Variants in NKAIN2 observed in about 807,000 individuals in gnomAD.
The protein encoded by NKAIN2 is sodium/potassium-transporting ATPase subunit beta-1-interacting protein 2.
Under a neutral mutation model 32.6 loss-of-function variants are expected in NKAIN2, and 14 were observed. The ratio of observed to expected loss-of-function variants is 0.43; its 90% CI spans 0.28 to 0.67. The LOEUF (loss-of-function observed/expected upper bound fraction) is 0.67. NKAIN2 is among the 30% of genes least tolerant of loss of function. The probability of loss-of-function intolerance (pLI) is 0.17; values close to 1 mark genes in which losing one functional copy is unlikely to be tolerated. For missense variants in NKAIN2, 198 were observed against 258.3 expected, an observed-to-expected ratio of 0.77 and a Z score of 1.60; for synonymous variants, 80 against 87.2, an observed-to-expected ratio of 0.92 and a Z score of 0.46.
chr6:124,039,110 A>G (rs1056341580), intron 1 of NKAIN2, among the ~76,000 whole-genome samples: 12 of 152,108 alleles, frequency 7.9e-5, no homozygotes, highest in African/African-American at 2.9e-4. Context: ...GTATTTACCT[A>G]ATTGGCACAT....
At chr6:124,659,791 G>A (rs1215362735) in intron 4 of NKAIN2, among the ~76,000 whole-genome samples, 1 of 151,960 alleles carries the variant, frequency 6.6e-6, no homozygotes, top group African/African-American at 2.4e-5. Flanking sequence ...TGCGGAATTG[G>A]TCACACAGTC....
chr6:124,097,180 C>T (rs1784679848), intron 1 of NKAIN2, among the ~76,000 whole-genome samples: 1 of 151,822 alleles, frequency 6.6e-6, no homozygotes, highest in Non-Finnish European at 1.5e-5. Flanking sequence ...GAGGCTGAGG[C>T]GGGCAGATCA....
At chr6:123,988,899 G>GTA (rs1443470591) in intron 1 of NKAIN2, among the ~76,000 whole-genome samples, 6 of 143,760 alleles carry the variant, frequency 4.2e-5, no homozygotes, top group African/African-American at 1.5e-4. Context: ...GTGTGTGTGT[G>GTA]TGTGTGTATG....
At chr6:123,853,803 A>C (rs752964841) in intron 1 of NKAIN2, among the ~76,000 whole-genome samples, 11 of 149,658 alleles carry the variant, frequency 7.4e-5, no homozygotes, top group Non-Finnish European at 1.5e-4. Flanking sequence ...ATAGAATTTC[A>C]CTCTTGTTGC....
In NKAIN2 at chr6:124,481,095, T is replaced by C. The variant is rs560911173; in HGVS notation, c.273+125748T>C. Among the ~76,000 whole-genome samples the C allele has an allele frequency of 1.6e-4, 25 of 152,016 alleles. No individual in the cohort carries two copies. The South Asian group carries it at 4.8e-3, about 29-fold the overall frequency. ...CATGGAGAAATCATGTCAAAAGGAA[T>C]GGGGGAAATGATCTTAAAGCAACAT... On this transcript the variant is annotated intron_variant, in intron 3 of 6. Transcript: ENST00000368417.
At chr6:123,924,955 A>C (rs1775938272) in intron 1 of NKAIN2, among the ~76,000 whole-genome samples, 1 of 152,114 alleles carries the variant, frequency 6.6e-6, no homozygotes, top group Non-Finnish European at 1.5e-5. Flanking sequence ...TGTTTGAATA[A>C]AATATCATGA....
At chr6:124,512,021 C>T (rs1778733974) in intron 3 of NKAIN2, among the ~76,000 whole-genome samples, 1 of 152,026 alleles carries the variant, frequency 6.6e-6, no homozygotes, top group South Asian at 2.1e-4. Context: ...CTTTTGCTTC[C>T]CTCACTGATT....
At chr6:123,965,803 C>T (rs1267991) in intron 1 of NKAIN2, among the ~76,000 whole-genome samples, 1 of 151,994 alleles carries the variant, frequency 6.6e-6, no homozygotes, top group East Asian at 1.9e-4. Flanking sequence ...GAATTCACAA[C>T]TTAATTTGTT....
Position 124,291,011 on chromosome 6 carries a change from C to T in NKAIN2, c.192+7869C>T, listed in dbSNP as rs145355134. Among the ~76,000 whole-genome samples the T allele has an allele frequency of 4.8e-3, 727 of 152,186 alleles. 5 individuals carry two copies. Among genetic ancestry groups the T allele is most frequent in the African/African-American group, 0.017 (704 of 41,550 alleles). On this transcript the variant is annotated intron_variant, in intron 2 of 6. Coordinates refer to ENST00000368417, the MANE Select transcript of NKAIN2 (RefSeq NM_001040214.3). ...GATTTGATTCATGCTTTCTTAAATTCCATCTATTATCTCTTTGATATTCTA... is the reference window on the plus strand; with the variant it reads ...GATTTGATTCATGCTTTCTTAAATTTCATCTATTATCTCTTTGATATTCTA...
intron 4 of NKAIN2, among the ~76,000 whole-genome samples, chr6:124,724,432 C>G (rs936046422): frequency 1.3e-4 from 20 of 152,104 alleles, no homozygotes; most frequent in African/African-American, 4.6e-4. Context: ...GTGCTTCCAC[C>G]CAAGGGTAAA....
At chr6:123,991,135 CT>C (rs1468847666) in intron 1 of NKAIN2, among the ~76,000 whole-genome samples, 1 of 152,092 alleles carries the variant, frequency 6.6e-6, no homozygotes, top group Non-Finnish European at 1.5e-5. Flanking sequence ...TTCTTTTCTT[CT>C]TAAGGAAATA....
At chr6:124,436,358 T>G (rs1562183510) in intron 3 of NKAIN2, among the ~76,000 whole-genome samples, 5 of 152,140 alleles carry the variant, frequency 3.3e-5, no homozygotes. Context: ...CTTTTCCAAT[T>G]AAAGCAGCAC....
chr6:124,638,093 C>T (rs1783839914), intron 3 of NKAIN2, among the ~76,000 whole-genome samples: 2 of 151,980 alleles, frequency 1.3e-5, no homozygotes, highest in African/African-American at 4.8e-5. Context: ...AATAGAGAAC[C>T]CAGAAAAAAA....
chr6:124,772,014 A>G (rs768851723), intron 4 of NKAIN2, among the ~76,000 whole-genome samples: 2 of 152,204 alleles, frequency 1.3e-5, no homozygotes, highest in Non-Finnish European at 2.9e-5. Context: ...CAGGAGGCAA[A>G]TTTTGAAAAT....
chr6:124,663,057 AT>A (rs2114444946), intron 4 of NKAIN2, among the ~76,000 whole-genome samples: 1 of 152,350 alleles, frequency 6.6e-6, no homozygotes, highest in Admixed American at 6.5e-5. Context: ...GAATTAAAAA[AT>A]AAAACAGTAT....
chr6:124,780,996 C>T (rs1779239097), intron 4 of NKAIN2, among the ~76,000 whole-genome samples: 1 of 152,182 alleles, frequency 6.6e-6, no homozygotes, highest in African/African-American at 2.4e-5. Flanking sequence ...CACTTTGTTT[C>T]TTGATGATTT....
intron 3 of NKAIN2, among the ~76,000 whole-genome samples, chr6:124,508,594 C>T (rs1400039234): frequency 1.3e-5 from 2 of 152,018 alleles, no homozygotes; most frequent in Non-Finnish European, 2.9e-5. Context: ...CTGCCCGCCT[C>T]GGCCTCCCAA....
At chr6:124,520,667 G>A (rs987569777) in intron 3 of NKAIN2, among the ~76,000 whole-genome samples, 1 of 152,130 alleles carries the variant, frequency 6.6e-6, no homozygotes, top group African/African-American at 2.4e-5. Context: ...TTTAGGCTCT[G>A]GCACTAGTTT....
intron 1 of NKAIN2, among the ~76,000 whole-genome samples, chr6:123,810,745 C>T (rs1342331273): frequency 6.6e-6 from 1 of 151,204 alleles, no homozygotes; most frequent in African/African-American, 2.4e-5. Context: ...TTTGTTTGCT[C>T]GTTTGTTTTT....
Sources: allele counts gnomAD v4.1 joint callset (sites outside exome capture counted in the v4.1 genomes callset), GRCh38; gene constraint gnomAD v4.1.1; transcripts MANE v1.5; gene names NCBI Gene and HGNC (gene_info 2026-07-23, HGNC 2026-07-21).